Variants in CADPS observed in about 807,000 individuals in gnomAD.
CADPS encodes calcium dependent secretion activator.
CADPS carries 57 observed loss-of-function variants against 167.3 expected under a neutral mutation model. The observed-to-expected ratio is 0.34, with a 90% confidence interval of 0.28 to 0.42. CADPS has a LOEUF of 0.42. Among genes scored for constraint, CADPS ranks in the 20% least tolerant of loss-of-function variants. CADPS has a pLI of 1.00. For synonymous variants in CADPS, 676 were observed against 635.3 expected (o/e 1.06, Z -0.96); for missense variants, 1,414 against 1,738.1 (o/e 0.81, Z 3.32).
At chr3:62,540,141 G>A (rs765013391) in intron 11 of CADPS, among the ~76,000 whole-genome samples, 5 of 152,262 alleles carry the variant, frequency 3.3e-5, no homozygotes, top group Non-Finnish European at 7.4e-5. Flanking sequence ...AGCCAAGGAT[G>A]TCTCTGCATT....
intron 8 of CADPS, among the ~76,000 whole-genome samples, chr3:62,571,648 T>C (rs1380304812): frequency 6.6e-6 from 1 of 151,256 alleles, no homozygotes; most frequent in African/African-American, 2.4e-5. Context: ...CACCGCAACC[T>C]CCTCCTCCTG....
At chr3:62,686,351 A>G (rs1302922366) in intron 3 of CADPS, among the ~76,000 whole-genome samples, 26 of 152,082 alleles carry the variant, frequency 1.7e-4, no homozygotes, top group Non-Finnish European at 1.5e-5. Context: ...GTTCTTTCAG[A>G]AAGTCAGGTA....
chr3:62,676,067 T>C (rs1019180744), intron 3 of CADPS, among the ~76,000 whole-genome samples: 4 of 152,162 alleles, frequency 2.6e-5, no homozygotes, highest in African/African-American at 4.8e-5. Flanking sequence ...TGTACAATGA[T>C]GGCAATTGTG....
chr3:62,587,671 A>T (rs2084945706), intron 7 of CADPS, among the ~76,000 whole-genome samples: 1 of 152,214 alleles, frequency 6.6e-6, no homozygotes, highest in Non-Finnish European at 1.5e-5. Context: ...GCCTTTCGCC[A>T]TATGGATTCT....
chr3:62,688,417 G>T (rs758893445), intron 3 of CADPS, among the ~76,000 whole-genome samples: 2 of 152,062 alleles, frequency 1.3e-5, no homozygotes, highest in Non-Finnish European at 2.9e-5. Flanking sequence ...TTGTCTGGAA[G>T]TGGTCAATAA....
chr3:62,562,187 G>T (rs1043673618), intron 9 of CADPS, among the ~76,000 whole-genome samples: 1 of 152,200 alleles, frequency 6.6e-6, no homozygotes, highest in African/African-American at 2.4e-5. Context: ...CAAAATCTGA[G>T]CATGGAGAAA....
chr3:62,664,168 A>G (rs569356535), intron 3 of CADPS, among the ~76,000 whole-genome samples: 50 of 152,176 alleles, frequency 3.3e-4, no homozygotes, highest in Admixed American at 9.2e-4. Flanking sequence ...CATTGTGCCC[A>G]GCTAATTTTT....
rs2068920676 is a variant in CADPS, at chr3:62,516,119, A to G, written c.2521T>C (p.Cys841Arg). ...QEEVKTVIRKCLEQAALVNYS... is the reference protein window; with the variant it reads ...QEEVKTVIRKRLEQAALVNYS... The stretch of plus-strand genomic sequence containing the variant: ...TTGACTAACGCAGCCTGTTCCAGAC[A>G]TTTACGGATAACTGTTTTTACCTCC... Residue 841 changes from cysteine to arginine, a missense_variant, in exon 16 of 30, where the codon TGT becomes CGT. Cys to Arg is a radical substitution (Grantham distance 180, BLOSUM62 -3). Coordinates refer to ENST00000383710, the MANE Select transcript of CADPS (RefSeq NM_003716.4). The G allele has an allele frequency of 4.3e-6, 7 of 1,613,290 alleles. No individual in the cohort carries two copies. The highest frequency in any genetic ancestry group is 5.9e-6 in the Non-Finnish European group (7 of 1,179,486).
intron 3 of CADPS, among the ~76,000 whole-genome samples, chr3:62,697,298 G>C (rs1265484526): frequency 1.3e-5 from 2 of 151,908 alleles, no homozygotes; most frequent in African/African-American, 4.8e-5. Context: ...AAAATCCATT[G>C]TGTAATTCTT....
intron 1 of CADPS, among the ~76,000 whole-genome samples, chr3:62,835,282 C>A (rs1275269971): frequency 6.6e-6 from 1 of 152,082 alleles, no homozygotes. Context: ...TACCTTGCAG[C>A]AAATTAAAAC....
At chr3:62,608,253 C>CA (rs1263820931) in intron 6 of CADPS, among the ~76,000 whole-genome samples, 1 of 151,002 alleles carries the variant, frequency 6.6e-6, no homozygotes, top group Non-Finnish European at 1.5e-5. Flanking sequence ...AAAAAAATAC[C>CA]AAAAAACTGT....
chr3:62,760,561 A>G (rs1362099122), intron 2 of CADPS, among the ~76,000 whole-genome samples: 2 of 151,884 alleles, frequency 1.3e-5, no homozygotes, highest in African/African-American at 4.8e-5. Context: ...CTTGGACACT[A>G]AACTCATCCT....
rs1157510826 is a variant in CADPS at position 62,494,577 on chromosome 3, A to AAAAAC, written c.2707-917_2707-913dup. Among the ~76,000 whole-genome samples, 5 of 152,216 alleles carry AAAAAC rather than the reference A, an allele frequency of 3.3e-5. 1 individual carries two copies. Among genetic ancestry groups the AAAAAC allele is most frequent in the East Asian group, 1.9e-4 (1 of 5,204 alleles). ...TATAATTTGCCCTAGAATGACAGGAAAAAACAAAACAAAACAAAACAAAAA... is the reference window on the plus strand; with the variant it reads ...TATAATTTGCCCTAGAATGACAGGAAAAAACAAAACAAAACAAAACAAAACAAAAA... On this transcript the variant is annotated intron_variant, in intron 18 of 29. Coordinates refer to ENST00000383710, the MANE Select transcript of CADPS (RefSeq NM_003716.4).
chr3:62,761,763 G>A (rs1165366978), intron 2 of CADPS, among the ~76,000 whole-genome samples: 1 of 151,974 alleles, frequency 6.6e-6, no homozygotes, highest in East Asian at 1.9e-4. Flanking sequence ...AAGGTGTGAG[G>A]AACACAGAGA....
At chr3:62,508,972 G>A (rs571176338) in intron 17 of CADPS, among the ~76,000 whole-genome samples, 1 of 151,942 alleles carries the variant, frequency 6.6e-6, no homozygotes, top group East Asian at 1.9e-4. Context: ...AGAATAATCT[G>A]GGCTTGGAAA....
chr3:62,450,406 G>T (rs1452756140), intron 26 of CADPS, among the ~76,000 whole-genome samples: 3 of 152,216 alleles, frequency 2.0e-5, no homozygotes, highest in African/African-American at 7.2e-5. Context: ...CTAGGGCACA[G>T]GAGACAAAGG....
intron 17 of CADPS, among the ~76,000 whole-genome samples, chr3:62,501,684 T>G (rs541068764): frequency 1.3e-5 from 2 of 152,348 alleles, no homozygotes; most frequent in African/African-American, 4.8e-5. Context: ...AGGGGAATTC[T>G]GGCTGTTTAT....
At chr3:62,738,619 G>A (rs1475284820) in intron 3 of CADPS, among the ~76,000 whole-genome samples, 11 of 152,042 alleles carry the variant, frequency 7.2e-5, no homozygotes, top group Non-Finnish European at 1.5e-4. Flanking sequence ...CTAGCTACTT[G>A]GGAGCCTGAG....
At chr3:62,503,270 A>G (rs1192077185) in intron 17 of CADPS, among the ~76,000 whole-genome samples, 1 of 152,260 alleles carries the variant, frequency 6.6e-6, no homozygotes, top group Non-Finnish European at 1.5e-5. Flanking sequence ...CTGGCTTGTC[A>G]TCCCCCATAT....
Sources: allele counts gnomAD v4.1 joint callset (sites outside exome capture counted in the v4.1 genomes callset), GRCh38; gene constraint gnomAD v4.1.1; transcripts MANE v1.5; gene names NCBI Gene and HGNC (gene_info 2026-07-23, HGNC 2026-07-21).